CLIP4: variants seen among roughly 807,000 people sequenced by gnomAD.
CLIP4 encodes CAP-Gly domain containing linker protein family member 4.
CLIP4 carries 47 observed loss-of-function variants against 73.1 expected under a neutral mutation model. The ratio of observed to expected loss-of-function variants is 0.64; its 90% CI spans 0.51 to 0.82. The LOEUF (loss-of-function observed/expected upper bound fraction) is 0.82. CLIP4 is among the 40% of genes least tolerant of loss of function. The pLI, the probability that CLIP4 is intolerant of heterozygous loss-of-function variation, is 0.00. For synonymous variants in CLIP4, 306 were observed against 295.4 expected, an observed-to-expected ratio of 1.04 and a Z score of -0.37; for missense variants, 874 against 852.9, an observed-to-expected ratio of 1.02 and a Z score of -0.31.
intron 5 of CLIP4, among the ~76,000 whole-genome samples, chr2:29,134,147 G>T (rs1665180860): frequency 6.6e-6 from 1 of 152,098 alleles, no homozygotes; most frequent in South Asian, 2.1e-4. Flanking sequence ...GCCAGAAATA[G>T]AATAATAAGG....
chr2:29,107,637 G>A (rs1191396010), intron 1 of CLIP4, among the ~76,000 whole-genome samples: 9 of 151,640 alleles, frequency 5.9e-5, no homozygotes. Context: ...ACCTCCCAAA[G>A]TTCTGGGATT....
At chr2:29,176,429 T>C (rs147130464) in intron 15 of CLIP4, among the ~76,000 whole-genome samples, 4 of 152,312 alleles carry the variant, frequency 2.6e-5, no homozygotes, top group Non-Finnish European at 5.9e-5. Flanking sequence ...TGATGGACAT[T>C]CTTGGGTAGA....
At chr2:29,130,969 C>T in intron 2 of CLIP4, 3 of 1,195,260 alleles carry the variant, frequency 2.5e-6, no homozygotes, top group Admixed American at 2.7e-5. Flanking sequence ...CCAGATTTGC[C>T]ACTTACTAGC....
chr2:29,172,949 T>A (rs1279378192), intron 14 of CLIP4, among the ~76,000 whole-genome samples: 1 of 152,228 alleles, frequency 6.6e-6, no homozygotes, highest in Non-Finnish European at 1.5e-5. Flanking sequence ...AATTTTTCTT[T>A]TATGTCTTTA....
intron 4 of CLIP4, among the ~76,000 whole-genome samples, chr2:29,133,055 G>T (rs912432848): frequency 1.3e-5 from 2 of 152,088 alleles, no homozygotes; most frequent in African/African-American, 4.8e-5. Flanking sequence ...AACCATGGTG[G>T]TGCATGCCTA....
chr2:29,108,345 C>T (rs1347245774), intron 1 of CLIP4, among the ~76,000 whole-genome samples: 1 of 152,132 alleles, frequency 6.6e-6, no homozygotes, highest in Non-Finnish European at 1.5e-5. Flanking sequence ...ATCTGATCAC[C>T]GGGCTGGCTA....
rs760230472 is a variant in CLIP4 at position 29,156,399 on chromosome 2, C to G, written c.1211C>G (p.Ser404Ter). The G allele has an allele frequency of 1.3e-6, 2 of 1,589,604 alleles. No homozygotes were observed. Among genetic ancestry groups the G allele is most frequent in the Admixed American group, 3.9e-5 (2 of 51,774 alleles). ...KKDSASESTL[S>*]LPPGEELKTV... The stretch of plus-strand genomic sequence containing the variant: ...GATAGTGCTTCTGAGTCAACACTTT[C>G]ATTGCCTCCTGGTGAAGAACTTAAA... The change falls in exon 10 of 16, where the codon TCA becomes TGA. Residue 404 changes from serine (S) to a stop codon, truncating the protein, a stop_gained. Transcript: ENST00000320081. LOFTEE classifies it high-confidence loss of function.
At chr2:29,164,339 C>G (rs1667469819) in intron 13 of CLIP4, among the ~76,000 whole-genome samples, 1 of 152,172 alleles carries the variant, frequency 6.6e-6, no homozygotes, top group African/African-American at 2.4e-5. Flanking sequence ...CCCATTCATT[C>G]TCCTACAAAC....
intron 12 of CLIP4, among the ~76,000 whole-genome samples, chr2:29,162,063 A>G (rs948830711): frequency 6.6e-6 from 1 of 152,226 alleles, no homozygotes; most frequent in Non-Finnish European, 1.5e-5. Context: ...GGATTCAAAT[A>G]AAAACTTAAC....
intron 14 of CLIP4, 38 bp downstream of exon 14, chr2:29,167,578 C>A: frequency 6.7e-7 from 1 of 1,495,652 alleles, no homozygotes. Flanking sequence ...ATCAATATTT[C>A]TTTGCTTTCA....
At chr2:29,157,401 T>C in intron 11 of CLIP4, 54 bp downstream of exon 11, 2 of 1,613,568 alleles carry the variant, frequency 1.2e-6, no homozygotes, top group African/African-American at 1.3e-5. Flanking sequence ...CTTGGTTTGT[T>C]TGTAAGTAGA....
chr2:29,119,457 C>T (rs576224481), intron 1 of CLIP4, among the ~76,000 whole-genome samples: 10 of 152,116 alleles, frequency 6.6e-5, no homozygotes, highest in African/African-American at 1.4e-4. Flanking sequence ...TCCTCTTAAC[C>T]GACTCAGACA....
chr2:29,112,253 T>C (rs1261134600), upstream of CLIP4, among the ~76,000 whole-genome samples: 1 of 152,252 alleles, frequency 6.6e-6, no homozygotes, highest in East Asian at 1.9e-4. Context: ...TCTCCTTATA[T>C]ATTTTGTAAG....
In CLIP4 at chr2:29,143,789, T is replaced by C. The variant is rs1665954145; in HGVS notation, c.729T>C (p.Thr243=). 2 of 1,614,096 alleles carry C rather than the reference T, an allele frequency of 1.2e-6. No individual in the cohort carries two copies. The highest frequency in any genetic ancestry group is 1.3e-5 in the African/African-American group (1 of 75,062). The change falls in exon 7 of 16, where the codon ACT becomes ACC. Residue 243 remains threonine, a synonymous_variant. Coordinates refer to ENST00000320081, the MANE Select transcript of CLIP4 (RefSeq NM_024692.6). ...MPLEMADAAA[T]AKEIKQMLLD... ...TAGAGATGGCTGACGCCGCAGCCAC[T>C]GCTAAGGAAATCAAGCAGATGCTTC...
intron 13 of CLIP4, among the ~76,000 whole-genome samples, chr2:29,165,131 A>C (rs1200352272): frequency 1.3e-5 from 2 of 152,210 alleles, no homozygotes; most frequent in Admixed American, 6.5e-5. Flanking sequence ...AACGGGTTTC[A>C]AAGAGATAAG....
At chr2:29,171,419 TTAAG>T (rs1167386342) in intron 14 of CLIP4, among the ~76,000 whole-genome samples, 1 of 152,198 alleles carries the variant, frequency 6.6e-6, no homozygotes, top group East Asian at 1.9e-4. Context: ...TTTCTTTTGG[TTAAG>T]TATTTGCCGA....
chr2:29,175,955 AT>A (rs1668312238), intron 15 of CLIP4, among the ~76,000 whole-genome samples: 1 of 151,994 alleles, frequency 6.6e-6, no homozygotes, highest in Non-Finnish European at 1.5e-5. Context: ...TAGAGACGGG[AT>A]TTCACTGTGT....
intron 15 of CLIP4, among the ~76,000 whole-genome samples, chr2:29,174,883 C>CT (rs897455112): frequency 1.4e-3 from 208 of 151,052 alleles, no homozygotes; most frequent in African/African-American, 4.2e-3. Context: ...TCAAAAAAGC[C>CT]TTTTTTTTTG....
chr2:29,165,781 A>G (rs1035409535), intron 13 of CLIP4, among the ~76,000 whole-genome samples: 5 of 152,168 alleles, frequency 3.3e-5, no homozygotes, highest in Admixed American at 6.5e-5. Flanking sequence ...TATTGATCCA[A>G]TCTGATTCCT....
Sources: allele counts gnomAD v4.1 joint callset (sites outside exome capture counted in the v4.1 genomes callset), GRCh38; gene constraint gnomAD v4.1.1; transcripts MANE v1.5; gene names NCBI Gene and HGNC (gene_info 2026-07-23, HGNC 2026-07-21).